WSCD1: variants seen among roughly 807,000 people sequenced by gnomAD.
WSCD1 encodes WSC domain sialate O sulfotransferase 1.
Under a neutral mutation model 60.4 loss-of-function variants are expected in WSCD1, and 41 were observed. That is an observed-to-expected ratio of 0.68 (90% CI 0.53 to 0.88). The LOEUF (loss-of-function observed/expected upper bound fraction) is 0.88, where lower values mean the gene tolerates loss of function less well. Among genes scored for constraint, WSCD1 ranks in the 40% least tolerant of loss-of-function variants. The probability of loss-of-function intolerance (pLI) is 0.00; values close to 1 mark genes in which losing one functional copy is unlikely to be tolerated. For missense variants in WSCD1, 784 were observed against 796.2 expected, an observed-to-expected ratio of 0.98 and a Z score of 0.18; for synonymous variants, 361 against 332.5, an observed-to-expected ratio of 1.09 and a Z score of -0.93.
chr17:6,109,664 C>T lies in WSCD1; in HGVS notation c.907C>T (p.Arg303Trp), dbSNP rs146993898. 116 of 1,614,194 alleles carry T rather than the reference C, an allele frequency of 7.2e-5. No individual in the cohort carries two copies. The highest frequency in any genetic ancestry group is 2.0e-4 in the Admixed American group (12 of 60,024). ...WECYCAYPTP[R>W]FNLRDAMDSS... ...ATGCTACTGTGCTTACCCTACCCCC[C>T]GGTTCAACCTGCGGGATGCCATGGA... is the stretch of plus-strand genomic sequence containing the variant. Residue 303 changes from arginine (R) to tryptophan (W), a missense_variant, in exon 6 of 9, where the codon CGG becomes TGG. Transcript: ENST00000317744.
Position 6,118,448 on chromosome 17 carries a change from T to G in WSCD1, c.1375+260T>G, listed in dbSNP as rs1390943993. ...TAGATGCCAGCTTGATTACCAAGAA[T>G]CTTCTCTGCCTCCATGAGTGCATAG... On this transcript the variant is annotated intron_variant, in intron 8 of 8. Transcript: ENST00000317744. The surrounding 1 kb of genome is among the most constrained non-coding windows in gnomAD (Gnocchi z 5.8). 6.6e-6 allele frequency among the ~76,000 whole-genome samples: 1 copy of G among 152,144 alleles called. No individual in the cohort carries two copies. The highest frequency in any genetic ancestry group is 1.9e-4 in the East Asian group (1 of 5,184).
chr17:6,094,369 C>T (rs1427070529), intron 4 of WSCD1, among the ~76,000 whole-genome samples: 2 of 152,194 alleles, frequency 1.3e-5, no homozygotes, highest in Non-Finnish European at 1.5e-5. Flanking sequence ...AGTGGTATGA[C>T]TCCAACGGCA....
intron 2 of WSCD1, among the ~76,000 whole-genome samples, chr17:6,083,374 G>A (rs138774997): frequency 2.0e-4 from 30 of 152,296 alleles, no homozygotes; most frequent in African/African-American, 5.8e-4. Context: ...GGAGGAGCTC[G>A]GTCTGGTGAT....
chr17:6,090,424 G>A lies in WSCD1; in HGVS notation c.646G>A (p.Gly216Ser). Residue 216 changes from glycine (G) to serine (S), a missense_variant, in exon 4 of 9, where the codon GGC (glycine) becomes AGC (serine). Transcript: ENST00000317744. ...GGAAGAGTGTAACCATGAGTGCAAAGGCGAGAAGGGCTCTGTGTGCGGGGC... is the reference window on the plus strand; with the variant it reads ...GGAAGAGTGTAACCATGAGTGCAAAAGCGAGAAGGGCTCTGTGTGCGGGGC... The part of the protein sequence containing the change: ...GLEECNHECK[G>S]EKGSVCGAVD... 1.2e-6 allele frequency: 2 copies of A among 1,613,112 alleles called. No individual in the cohort carries two copies. The highest frequency in any genetic ancestry group is 1.7e-6 in the Non-Finnish European group (2 of 1,179,640).
chr17:6,090,220 A>C (rs1056312997), intron 3 of WSCD1, 101 bp from the exon 4 acceptor site: 38 of 1,239,720 alleles, frequency 3.1e-5, no homozygotes, highest in Non-Finnish European at 4.1e-5. Context: ...CAAAAAAAAA[A>C]CATACTTTCT....
chr17:6,105,410 C>T (rs998736769), intron 5 of WSCD1, among the ~76,000 whole-genome samples: 4 of 152,164 alleles, frequency 2.6e-5, no homozygotes, highest in Non-Finnish European at 2.9e-5. Context: ...CTCACTGAAG[C>T]ACCCTTTCTC....
chr17:6,095,586 G>A (rs75792852), intron 5 of WSCD1, among the ~76,000 whole-genome samples: 4,408 of 152,342 alleles, frequency 0.029, 115 homozygotes, highest in African/African-American at 0.063. Flanking sequence ...TTCTGTTATT[G>A]GTGCTGACGG....
upstream of WSCD1, among the ~76,000 whole-genome samples, chr17:6,070,017 A>G (rs887894542): frequency 6.6e-6 from 1 of 151,336 alleles, no homozygotes; most frequent in Non-Finnish European, 1.5e-5. Flanking sequence ...GTGAGTCTGC[A>G]TGGGAGAGTG....
chr17:6,078,729 G>C (rs12450019), intron 1 of WSCD1, among the ~76,000 whole-genome samples: 16,440 of 152,158 alleles, frequency 0.11, 1,308 homozygotes, highest in East Asian at 0.41. Context: ...GTAACCACAG[G>C]GGGCTATTGA....
chr17:6,104,730 A>G (rs976788777), intron 5 of WSCD1, among the ~76,000 whole-genome samples: 1 of 152,132 alleles, frequency 6.6e-6, no homozygotes, highest in Non-Finnish European at 1.5e-5. Flanking sequence ...TAACCTCCAT[A>G]TTGGTTTGCA....
In WSCD1 at chr17:6,090,306, G is replaced by A. The variant is rs367634231; in HGVS notation, c.543-15G>A. On this transcript the variant is annotated splice_polypyrimidine_tract_variant and intron_variant, in intron 3 of 8. Coordinates refer to ENST00000317744, the MANE Select transcript of WSCD1 (RefSeq NM_015253.2). ...TGGGCCAAGGTCCGGACTCACCCAG[G>A]CCTCCTCCCTGCAGGTCCTATGTCT... 2.9e-5 allele frequency: 45 copies of A among 1,567,762 alleles called. No individual in the cohort carries two copies. Among genetic ancestry groups the A allele is most frequent in the African/African-American group, 1.4e-4 (10 of 72,366 alleles).
Position 6,090,505 on chromosome 17 carries a change from C to A in WSCD1, c.727C>A (p.Arg243=), listed in dbSNP as rs763579527. 6.8e-6 allele frequency: 11 copies of A among 1,612,280 alleles called. No individual in the cohort carries two copies. Among genetic ancestry groups the A allele is most frequent in the East Asian group, 2.2e-5 (1 of 44,708 alleles). ...VDELQPGSRK[R]RTATYRGCFR... ...CGAGCTGCAGCCGGGCTCCAGGAAG[C>A]GTGAGTGTGCCAGCCTCTTCCTGAG... Residue 243 remains arginine, a splice_region_variant and synonymous_variant, in exon 4 of 9, where the codon CGG becomes AGG. Coordinates refer to ENST00000317744, the MANE Select transcript of WSCD1 (RefSeq NM_015253.2).
At chr17:6,091,885 G>C (rs541610086) in intron 4 of WSCD1, among the ~76,000 whole-genome samples, 5 of 152,162 alleles carry the variant, frequency 3.3e-5, no homozygotes, top group Middle Eastern at 3.2e-3. Context: ...AGCCGGGCGC[G>C]GTGGCTCACG....
At chr17:6,102,501 C>G (rs1910865271) in intron 5 of WSCD1, among the ~76,000 whole-genome samples, 1 of 152,216 alleles carries the variant, frequency 6.6e-6, no homozygotes, top group African/African-American at 2.4e-5. Context: ...ATACTGTACT[C>G]TCTGCATATT....
chr17:6,103,380 T>C (rs1487778351), intron 5 of WSCD1, among the ~76,000 whole-genome samples: 1 of 152,188 alleles, frequency 6.6e-6, no homozygotes, highest in Non-Finnish European at 1.5e-5. Context: ...CCCAGGTCAG[T>C]GGAAAGCCAG....
chr17:6,117,932 G>T, intron 7 of WSCD1, 56 bp from the exon 8 acceptor site: 1 of 1,568,544 alleles, frequency 6.4e-7, no homozygotes, highest in Non-Finnish European at 8.8e-7. Context: ...TGCTGCTATG[G>T]TAGGGTGCCC....
intron 2 of WSCD1, among the ~76,000 whole-genome samples, chr17:6,082,443 G>C (rs147331615): frequency 1.2e-3 from 187 of 152,366 alleles, no homozygotes; most frequent in Non-Finnish European, 2.1e-3. Context: ...AGGCCTGGGA[G>C]ACATGGAAGG....
chr17:6,089,624 T>C (rs1909894390), intron 3 of WSCD1, among the ~76,000 whole-genome samples: 1 of 152,174 alleles, frequency 6.6e-6, no homozygotes, highest in African/African-American at 2.4e-5. Context: ...TTAGAGTTGT[T>C]GTGAGCCCGT....
chr17:6,117,310 G>C (rs1188861797), intron 7 of WSCD1, among the ~76,000 whole-genome samples: 2 of 152,236 alleles, frequency 1.3e-5, no homozygotes, highest in Non-Finnish European at 2.9e-5. Flanking sequence ...CTCAGGGCCA[G>C]GCTCAAGCAC....
Sources: allele counts gnomAD v4.1 joint callset (sites outside exome capture counted in the v4.1 genomes callset), GRCh38; gene constraint gnomAD v4.1.1; non-coding constraint Gnocchi (gnomAD v3.1); transcripts MANE v1.5; gene names NCBI Gene and HGNC (gene_info 2026-07-23, HGNC 2026-07-21).